The following EXOC6B variants were observed in gnomAD, a reference collection of about 807,000 sequenced individuals.
The protein encoded by EXOC6B is SEC15 homolog B.
EXOC6B carries 54 observed loss-of-function variants against 113.5 expected under a neutral mutation model. The ratio of observed to expected loss-of-function variants is 0.48; its 90% CI spans 0.38 to 0.60. The LOEUF is 0.60. Ranked by LOEUF, EXOC6B falls within the 20% of genes least tolerant of loss-of-function variation. The pLI, the probability that EXOC6B is intolerant of heterozygous loss-of-function variation, is 0.00. For synonymous variants in EXOC6B, 357 were observed against 339.0 expected (o/e 1.05, Z -0.58); for missense variants, 797 against 977.5 (o/e 0.82, Z 2.46).
At chr2:72,265,360 G>C (rs1398108132) in intron 20 of EXOC6B, among the ~76,000 whole-genome samples, 1 of 149,528 alleles carries the variant, frequency 6.7e-6, no homozygotes, top group African/African-American at 2.5e-5. Flanking sequence ...CCATTAACTC[G>C]TCATTTAGCA....
intron 18 of EXOC6B, among the ~76,000 whole-genome samples, chr2:72,399,714 C>T (rs1374604847): frequency 6.6e-6 from 1 of 151,870 alleles, no homozygotes; most frequent in Admixed American, 6.6e-5. Context: ...TATAAAATAC[C>T]CAGAAATACA....
At position 72,472,217 on chromosome 2, in the gene EXOC6B, T is replaced by A. The variant is rs182449026; in HGVS notation, c.1801-6878A>T. Among the ~76,000 whole-genome samples, 229 of 152,304 alleles carry A rather than the reference T, an allele frequency of 1.5e-3. 1 individual carries two copies. The highest frequency in any genetic ancestry group is 2.7e-3 in the Non-Finnish European group (184 of 68,010). On this transcript the variant is annotated intron_variant, in intron 17 of 21. Transcript: ENST00000272427. ...TTTTCTGGTTTTGGTATCAGGGTAA[T>A]GCTAGGCTTACAGAATAAGTTACGG... is the stretch of plus-strand genomic sequence containing the variant.
At chr2:72,717,889 A>G (rs1002086708) in intron 6 of EXOC6B, among the ~76,000 whole-genome samples, 2 of 152,236 alleles carry the variant, frequency 1.3e-5, no homozygotes, top group African/African-American at 2.4e-5. Context: ...ACAACTGATC[A>G]ATATTTACTG....
At chr2:72,602,471 G>T (rs1558834825) in intron 6 of EXOC6B, among the ~76,000 whole-genome samples, 1 of 152,108 alleles carries the variant, frequency 6.6e-6, no homozygotes, top group African/African-American at 2.4e-5. Flanking sequence ...CAATAGAATA[G>T]ACCAACCAAG....
At chr2:72,391,666 G>A (rs1438934321) in intron 18 of EXOC6B, among the ~76,000 whole-genome samples, 1 of 151,638 alleles carries the variant, frequency 6.6e-6, no homozygotes, top group Non-Finnish European at 1.5e-5. Context: ...TCTCCTTCTG[G>A]GACTCCAAAT....
chr2:72,696,992 A>G (rs1677927716), intron 6 of EXOC6B, among the ~76,000 whole-genome samples: 1 of 152,216 alleles, frequency 6.6e-6, no homozygotes, highest in East Asian at 1.9e-4. Context: ...CAAGAAGGCT[A>G]TCTGTACAAG....
chr2:72,618,525 T>A (rs773549997), intron 6 of EXOC6B, among the ~76,000 whole-genome samples: 4 of 152,204 alleles, frequency 2.6e-5, no homozygotes, highest in Non-Finnish European at 5.9e-5. Context: ...ACCCCAAGAT[T>A]TCCCTTCTTG....
chr2:72,373,009 G>A (rs528274221), intron 19 of EXOC6B, among the ~76,000 whole-genome samples: 2 of 149,744 alleles, frequency 1.3e-5, no homozygotes, highest in Non-Finnish European at 3.0e-5. Context: ...TTCAAACTAT[G>A]AAAGGACTAC....
chr2:72,608,150 T>G (rs1307323468), intron 6 of EXOC6B, among the ~76,000 whole-genome samples: 1 of 152,060 alleles, frequency 6.6e-6, no homozygotes, highest in African/African-American at 2.4e-5. Context: ...CCTGAACTCT[T>G]GAAATTTATG....
At chr2:72,315,611 T>G (rs1471414422) in intron 20 of EXOC6B, among the ~76,000 whole-genome samples, 1 of 152,016 alleles carries the variant, frequency 6.6e-6, no homozygotes, top group African/African-American at 2.4e-5. Flanking sequence ...TAGTTAAAAG[T>G]GGTTGGTTTC....
At chr2:72,639,885 A>G (rs1673104904) in intron 6 of EXOC6B, among the ~76,000 whole-genome samples, 1 of 152,232 alleles carries the variant, frequency 6.6e-6, no homozygotes, top group African/African-American at 2.4e-5. Flanking sequence ...AAGCTCAAGG[A>G]TTAAAGGAAG....
At chr2:72,751,635 A>T (rs185595913) in intron 1 of EXOC6B, among the ~76,000 whole-genome samples, 94 of 152,308 alleles carry the variant, frequency 6.2e-4, no homozygotes, top group African/African-American at 2.1e-3. Flanking sequence ...TAGAATAAAA[A>T]CTATAACAAC....
At chr2:72,447,235 T>C (rs1402759035) in intron 18 of EXOC6B, among the ~76,000 whole-genome samples, 1 of 152,242 alleles carries the variant, frequency 6.6e-6, no homozygotes, top group Non-Finnish European at 1.5e-5. Flanking sequence ...ATTATTTCTA[T>C]TCCATTAAAC....
At chr2:72,488,327 C>T (rs1290107299) in intron 16 of EXOC6B, among the ~76,000 whole-genome samples, 2 of 151,964 alleles carry the variant, frequency 1.3e-5, no homozygotes, top group African/African-American at 4.8e-5. Context: ...CAATTTTCAT[C>T]CTCTTTTCTT....
chr2:72,214,487 CAAA>C (rs11355575), intron 20 of EXOC6B, among the ~76,000 whole-genome samples: 8 of 105,204 alleles, frequency 7.6e-5, no homozygotes, highest in Admixed American at 1.0e-4. Context: ...TGAGACTTGT[CAAA>C]AAAAAAAAAA....
intron 18 of EXOC6B, among the ~76,000 whole-genome samples, chr2:72,397,576 C>A (rs552956833): frequency 6.8e-6 from 1 of 147,906 alleles, no homozygotes; most frequent in Non-Finnish European, 1.5e-5. Context: ...GCCGAGATCA[C>A]GCCACTGCAC....
chr2:72,182,811 A>G, intron 21 of EXOC6B: 1 of 959,552 alleles, frequency 1.0e-6, no homozygotes, highest in Non-Finnish European at 1.4e-6. Flanking sequence ...TAGGGATTTT[A>G]GTGTAGTCAT....
At chr2:72,716,440 C>T (rs1169154070) in intron 6 of EXOC6B, among the ~76,000 whole-genome samples, 1 of 152,116 alleles carries the variant, frequency 6.6e-6, no homozygotes, top group Non-Finnish European at 1.5e-5. Context: ...CTCGGTACTA[C>T]AAAAGATTTT....
At chr2:72,422,987 C>G (rs540801829) in intron 18 of EXOC6B, among the ~76,000 whole-genome samples, 230 of 152,236 alleles carry the variant, frequency 1.5e-3, no homozygotes, top group African/African-American at 5.4e-3. Flanking sequence ...GCAACCTGCT[C>G]GGGTCCCCTT....
Sources: allele counts gnomAD v4.1 joint callset (sites outside exome capture counted in the v4.1 genomes callset), GRCh38; gene constraint gnomAD v4.1.1; transcripts MANE v1.5; gene names NCBI Gene and HGNC (gene_info 2026-07-23, HGNC 2026-07-21).